The following CTNND2 variants were observed in gnomAD, a reference collection of about 807,000 sequenced individuals.
CTNND2 encodes catenin delta-2.
In CTNND2, 22 loss-of-function variants were observed where a neutral mutation model predicts 144.4. That is an observed-to-expected ratio of 0.15 (90% confidence interval 0.11 to 0.22). The LOEUF is 0.22. Among genes scored for constraint, CTNND2 ranks in the 10% least tolerant of loss-of-function variants. The pLI, the probability that CTNND2 is intolerant of heterozygous loss-of-function variation, is 1.00. For synonymous variants in CTNND2, 751 were observed against 695.6 expected, an observed-to-expected ratio of 1.08 and a Z score of -1.25; for missense variants, 1,353 against 1,618.8, an observed-to-expected ratio of 0.84 and a Z score of 2.82.
At chr5:11,525,167 T>C (rs1319899339) in intron 3 of CTNND2, among the ~76,000 whole-genome samples, 2 of 152,202 alleles carry the variant, frequency 1.3e-5, no homozygotes, top group African/African-American at 4.8e-5. Flanking sequence ...TAGGGCTTTT[T>C]AGCTGCAGCC....
intron 3 of CTNND2, among the ~76,000 whole-genome samples, chr5:11,551,367 G>GT (rs375815854): frequency 2.5e-3 from 354 of 139,772 alleles, no homozygotes; most frequent in African/African-American, 7.7e-3. Context: ...CCACTTACTG[G>GT]TTTTTTTTTT....
At chr5:11,370,571 T>C (rs551140019) in intron 7 of CTNND2, among the ~76,000 whole-genome samples, 138 of 152,376 alleles carry the variant, frequency 9.1e-4, no homozygotes, top group African/African-American at 3.0e-3. Flanking sequence ...AGGTCCATGC[T>C]GGATTTTTTA....
chr5:11,548,496 TCAAA>T lies in CTNND2; in HGVS notation c.287+16444_287+16447del, dbSNP rs556707038. Among the ~76,000 whole-genome samples, 28 of 152,346 alleles carry T rather than the reference TCAAA, an allele frequency of 1.8e-4. No individual in the cohort carries two copies. The South Asian group carries it at 5.0e-3, about 27-fold the overall frequency. Reference sequence around the variant, plus strand: ...AAAATTATATTTGTATAGCAAAATCTCAAACAAATTCTCTTTATAATTAGAGCCT... The same window carrying T: ...AAAATTATATTTGTATAGCAAAATCTCAAATTCTCTTTATAATTAGAGCCT... On this transcript the variant is annotated intron_variant, in intron 3 of 21. Coordinates refer to ENST00000304623, the MANE Select transcript of CTNND2 (RefSeq NM_001332.4).
intron 3 of CTNND2, among the ~76,000 whole-genome samples, chr5:11,517,382 A>G (rs1240479936): frequency 6.6e-6 from 1 of 152,222 alleles, no homozygotes; most frequent in Non-Finnish European, 1.5e-5. Flanking sequence ...CAAACTGTCT[A>G]AATTCTTCTC....
In CTNND2 at chr5:10,974,395, A is replaced by G. The variant is rs61752743; in HGVS notation, c.3418-682T>C. Among the ~76,000 whole-genome samples the G allele has an allele frequency of 1.4e-3, 208 of 152,372 alleles. 1 individual carries two copies. Among genetic ancestry groups the G allele is most frequent in the African/African-American group, 4.2e-3 (176 of 41,582 alleles). On this transcript the variant is annotated intron_variant, in intron 21 of 21. Coordinates refer to ENST00000304623, the MANE Select transcript of CTNND2 (RefSeq NM_001332.4). ...CTTGCACCCCCATGATTGTATATATATAAGAATAAAATAGTCCATGGTATG... is the reference window on the plus strand; with the variant it reads ...CTTGCACCCCCATGATTGTATATATGTAAGAATAAAATAGTCCATGGTATG...
At chr5:11,808,248 A>C (rs917824140) in intron 1 of CTNND2, among the ~76,000 whole-genome samples, 14 of 152,138 alleles carry the variant, frequency 9.2e-5, no homozygotes, top group Non-Finnish European at 2.1e-4. Context: ...TTATTCACTT[A>C]TTGCCATATA....
intron 16 of CTNND2, among the ~76,000 whole-genome samples, chr5:11,030,028 G>T (rs1462739966): frequency 7.1e-6 from 1 of 140,880 alleles, no homozygotes; most frequent in African/African-American, 2.5e-5. Context: ...TAGGATTCTT[G>T]GCTGACAGTT....
At chr5:11,494,868 C>A (rs373959329) in intron 3 of CTNND2, among the ~76,000 whole-genome samples, 1 of 152,120 alleles carries the variant, frequency 6.6e-6, no homozygotes, top group Non-Finnish European at 1.5e-5. Flanking sequence ...CAAAAGACCA[C>A]GAAAGATCAC....
At chr5:11,382,236 A>T (rs956773571) in intron 7 of CTNND2, among the ~76,000 whole-genome samples, 3 of 152,228 alleles carry the variant, frequency 2.0e-5, no homozygotes, top group African/African-American at 7.2e-5. Flanking sequence ...AACAAGGCCA[A>T]GGATTTTGGC....
chr5:10,975,773 G>C (rs939754344), intron 21 of CTNND2, among the ~76,000 whole-genome samples: 3 of 152,220 alleles, frequency 2.0e-5, no homozygotes, highest in African/African-American at 7.2e-5. Flanking sequence ...GCCAGGGAAG[G>C]CAGTGCAGGG....
At chr5:11,060,436 A>G (rs1309078885) in intron 16 of CTNND2, among the ~76,000 whole-genome samples, 1 of 152,146 alleles carries the variant, frequency 6.6e-6, no homozygotes, top group African/African-American at 2.4e-5. Context: ...CCTGACAGAT[A>G]AAAATTTCAG....
intron 3 of CTNND2, among the ~76,000 whole-genome samples, chr5:11,543,345 C>T (rs1195336101): frequency 6.6e-6 from 1 of 152,172 alleles, no homozygotes; most frequent in African/African-American, 2.4e-5. Flanking sequence ...AAGGGAGACC[C>T]TGCAAGGCTT....
chr5:11,769,604 CACTT>C (rs1210867308), intron 1 of CTNND2, among the ~76,000 whole-genome samples: 1 of 152,088 alleles, frequency 6.6e-6, no homozygotes, highest in Non-Finnish European at 1.5e-5. Context: ...CTGAAACAGA[CACTT>C]AATTCACTAG....
At chr5:11,197,210 T>C (rs32269) in intron 11 of CTNND2, among the ~76,000 whole-genome samples, 42,293 of 152,164 alleles carry the variant, frequency 0.28, 6,013 homozygotes, top group Middle Eastern at 0.36. Flanking sequence ...AACCATGAAG[T>C]TCAGCTTGTC....
chr5:11,762,059 GA>G (rs1789297635), intron 1 of CTNND2, among the ~76,000 whole-genome samples: 1 of 152,100 alleles, frequency 6.6e-6, no homozygotes, highest in Non-Finnish European at 1.5e-5. Context: ...CTATTATCTA[GA>G]AAATTAAATG....
chr5:11,292,329 G>A (rs748225523), intron 9 of CTNND2, among the ~76,000 whole-genome samples: 3 of 152,102 alleles, frequency 2.0e-5, no homozygotes, highest in Non-Finnish European at 4.4e-5. Context: ...GGAGTAGGGT[G>A]GGCCCCCAAT....
At chr5:11,900,193 A>G in intron 1 of CTNND2, among the ~76,000 whole-genome samples, 1 of 152,152 alleles carries the variant, frequency 6.6e-6, no homozygotes, top group Admixed American at 6.5e-5. Context: ...TTTAGTCATT[A>G]TTTCCAATTT....
At chr5:11,666,087 T>A (rs1169398113) in intron 2 of CTNND2, among the ~76,000 whole-genome samples, 1 of 152,198 alleles carries the variant, frequency 6.6e-6, no homozygotes, top group Non-Finnish European at 1.5e-5. Flanking sequence ...CCAAGAAGGA[T>A]GACACTTAAG....
chr5:11,365,029 C>G, intron 7 of CTNND2, 139 bp from the exon 8 acceptor site: 1 of 685,826 alleles, frequency 1.5e-6, no homozygotes, highest in Non-Finnish European at 2.4e-6. Context: ...GAAATGGCAG[C>G]AATATGTCAA....
Sources: allele counts gnomAD v4.1 joint callset (sites outside exome capture counted in the v4.1 genomes callset), GRCh38; gene constraint gnomAD v4.1.1; transcripts MANE v1.5; gene names NCBI Gene and HGNC (gene_info 2026-07-23, HGNC 2026-07-21).